The following TMEM231 variants were observed in gnomAD, a reference collection of about 807,000 sequenced individuals.
TMEM231 encodes transmembrane protein 231.
In TMEM231, 40 loss-of-function variants were observed where a neutral mutation model predicts 38.5. The ratio of observed to expected loss-of-function variants is 1.04; its 90% CI spans 0.81 to 1.35. The LOEUF (loss-of-function observed/expected upper bound fraction) is 1.35, where lower values mean the gene tolerates loss of function less well. Ranked by LOEUF, TMEM231 falls within the 40% of genes most tolerant of loss-of-function variation. TMEM231 has a pLI of 0.00. For synonymous variants in TMEM231, 199 were observed against 181.7 expected (o/e 1.10, Z -0.77); for missense variants, 420 against 416.9 (o/e 1.01, Z -0.07).
At chr16:75,553,310 G>T (rs1383985412) in intron 2 of TMEM231, among the ~76,000 whole-genome samples, 1 of 152,168 alleles carries the variant, frequency 6.6e-6, no homozygotes, top group African/African-American at 2.4e-5. Context: ...CTGAGTTCCA[G>T]TCCAGACTCT....
intron 4 of TMEM231, among the ~76,000 whole-genome samples, chr16:75,543,926 C>T (rs1489937307): frequency 6.6e-6 from 1 of 152,144 alleles, no homozygotes; most frequent in African/African-American, 2.4e-5. Context: ...CCGATAACAT[C>T]CCTTTTTCAT....
chr16:75,545,377 C>T lies in TMEM231; in HGVS notation c.557G>A (p.Cys186Tyr), dbSNP rs1280264089. The change falls in exon 4 of 7, where the codon TGT becomes TAT. Residue 186 changes from cysteine to tyrosine, a missense_variant. Coordinates refer to ENST00000258173, the MANE Select transcript of TMEM231 (RefSeq NM_001077418.3). The stretch of plus-strand genomic sequence containing the variant: ...GTTGTATCGGGCATCTAGGCCACCA[C>T]AGCTCAGCGGCTGCTTCTGCTGCAG... ...LRLQQKQPLS[C>Y]GGLDARYNIS... The T allele has an allele frequency of 6.2e-7, 1 of 1,612,792 alleles. No homozygotes were observed. The highest frequency in any genetic ancestry group is 8.5e-7 in the Non-Finnish European group (1 of 1,179,350).
intron 2 of TMEM231, among the ~76,000 whole-genome samples, chr16:75,553,144 A>G (rs1039236391): frequency 6.6e-6 from 1 of 152,236 alleles, no homozygotes; most frequent in African/African-American, 2.4e-5. Flanking sequence ...ACCTCCCAGC[A>G]CTTGGTCCAA....
chr16:75,549,341 C>T lies in TMEM231; in HGVS notation c.310-3387G>A, dbSNP rs371190575. On this transcript the variant is annotated intron_variant, in intron 2 of 6. Transcript: ENST00000258173. Reference sequence around the variant, plus strand: ...GTCGCTATCTAACCTCCAACTGGTACTTAGCCAAGAGAATTCACATATCAC... The same window carrying T: ...GTCGCTATCTAACCTCCAACTGGTATTTAGCCAAGAGAATTCACATATCAC... Among the ~76,000 whole-genome samples the T allele has an allele frequency of 4.6e-5, 7 of 152,362 alleles. No homozygotes were observed. In the East Asian group the frequency reaches 5.8e-4, roughly 13 times the overall value.
Position 75,538,292 on chromosome 16 carries a change from A to C in TMEM231, c.*1702T>G, listed in dbSNP as rs1343713554. ...AGTGTTGAGATTACAGGAATGAACC[A>C]CCATGCTCGGCCTCATTTTGAACAT... On this transcript the variant is annotated 3_prime_UTR_variant, in exon 7 of 7. Transcript: ENST00000258173. 2 of 152,192 alleles carry C rather than the reference A, an allele frequency of 1.3e-5. No homozygotes were observed. Among genetic ancestry groups the C allele is most frequent in the African/African-American group, 4.8e-5 (2 of 41,450 alleles). 9.4% of individuals were successfully genotyped at this position (152,192 alleles called of 1,614,324 possible).
intron 4 of TMEM231, among the ~76,000 whole-genome samples, chr16:75,543,061 G>T (rs750378501): frequency 1.3e-5 from 2 of 152,080 alleles, no homozygotes; most frequent in African/African-American, 2.4e-5. Context: ...TATCTCAGCG[G>T]GAGAAAGAAT....
At position 75,556,236 on chromosome 16, in the gene TMEM231, G is replaced by C; in HGVS notation, c.-27C>G. 2 of 1,395,170 alleles carry C rather than the reference G, an allele frequency of 1.4e-6. No homozygotes were observed. Among genetic ancestry groups the C allele is most frequent in the Non-Finnish European group, 1.9e-6 (2 of 1,079,050 alleles). The allele number at this position is 1,395,170 out of a possible 1,614,324, so 86.4% of individuals were successfully genotyped here. ...AGCACCGCTCGCAGGCACTCCGCGA[G>C]CCGGGGGACCAAGTTTGGCTTCTCC... On this transcript the variant is annotated 5_prime_UTR_variant, in exon 1 of 7. Transcript: ENST00000258173.
intron 4 of TMEM231, among the ~76,000 whole-genome samples, chr16:75,544,420 A>G (rs2080659550): frequency 6.6e-6 from 1 of 151,888 alleles, no homozygotes; most frequent in Non-Finnish European, 1.5e-5. Flanking sequence ...GCAAAAGCAA[A>G]AGCCCTGAGG....
In TMEM231 at chr16:75,545,488, G is replaced by A. The variant is rs750935858; in HGVS notation, c.446C>T (p.Ala149Val). The change falls in exon 4 of 7, where the codon GCG becomes GTG. Residue 149 changes from alanine to valine, a missense_variant. Ala to Val is a moderately conservative substitution (Grantham distance 64). Transcript: ENST00000258173. Reference protein sequence around the residue: ...LTFSYRLHRMATLVMQSMAFL... With the variant: ...LTFSYRLHRMVTLVMQSMAFL... ...CGCCATGCTCTGCATCACGAGGGTC[G>A]CCATCCTCTGAAATCATTAGAAGGA... 49 of 1,556,166 alleles carry A rather than the reference G, an allele frequency of 3.1e-5. No homozygotes were observed. Among genetic ancestry groups the A allele is most frequent in the South Asian group, 1.6e-4 (14 of 86,922 alleles).
At chr16:75,552,024 C>T (rs2080768329) in intron 2 of TMEM231, among the ~76,000 whole-genome samples, 1 of 151,826 alleles carries the variant, frequency 6.6e-6, no homozygotes, top group African/African-American at 2.4e-5. Context: ...TCAGGGATTC[C>T]TAAAACTTCT....
At chr16:75,546,542 A>G (rs1052129771) in intron 2 of TMEM231, among the ~76,000 whole-genome samples, 2 of 152,036 alleles carry the variant, frequency 1.3e-5, no homozygotes, top group Non-Finnish European at 2.9e-5. Context: ...TCCCAGGGTC[A>G]AGGAATTGTC....
intron 4 of TMEM231, among the ~76,000 whole-genome samples, chr16:75,544,150 TG>T (rs947198664): frequency 6.6e-6 from 1 of 152,252 alleles, no homozygotes; most frequent in African/African-American, 2.4e-5. Flanking sequence ...GCTTACCATC[TG>T]CCAGGCAGTG....
chr16:75,554,545 CAAAAA>C (rs1185694717), intron 2 of TMEM231, among the ~76,000 whole-genome samples: 1 of 94,116 alleles, frequency 1.1e-5, no homozygotes, highest in African/African-American at 3.9e-5. Context: ...GACTGTGTCT[CAAAAA>C]AAAAAAAAAA....
chr16:75,541,232 C>G, intron 6 of TMEM231, 118 bp downstream of exon 6: 1 of 476,010 alleles, frequency 2.1e-6, no homozygotes, highest in Non-Finnish European at 3.5e-6. Flanking sequence ...CTTGGCCAGG[C>G]TGGTTGTGAA....
intron 2 of TMEM231, among the ~76,000 whole-genome samples, chr16:75,547,010 T>C (rs1316307100): frequency 1.3e-5 from 2 of 152,134 alleles, no homozygotes; most frequent in African/African-American, 4.8e-5. Context: ...ATGTAGGCAG[T>C]GAAAAAAAAC....
At chr16:75,545,321 A>G in intron 4 of TMEM231, 31 bp downstream of exon 4, 1 of 1,595,928 alleles carries the variant, frequency 6.3e-7, no homozygotes, top group South Asian at 1.1e-5. Flanking sequence ...ACAGAGAAAC[A>G]AAGGAGCTGG....
chr16:75,551,713 G>A (rs555778533), intron 2 of TMEM231, among the ~76,000 whole-genome samples: 21 of 152,112 alleles, frequency 1.4e-4, no homozygotes, highest in Non-Finnish European at 2.8e-4. Flanking sequence ...TGTAATCCCA[G>A]CACTTTGGGA....
intron 5 of TMEM231, among the ~76,000 whole-genome samples, chr16:75,542,316 T>C (rs2080636468): frequency 6.6e-6 from 1 of 151,982 alleles, no homozygotes; most frequent in Admixed American, 6.6e-5. Flanking sequence ...TCAATTAGGC[T>C]TATATTTTTT....
intron 2 of TMEM231, among the ~76,000 whole-genome samples, chr16:75,548,145 T>C (rs534520751): frequency 6.6e-6 from 1 of 152,350 alleles, no homozygotes; most frequent in South Asian, 2.1e-4. Flanking sequence ...CAAGTAATGG[T>C]GAAGACAGGA....
Sources: gnomAD v4.1 joint callset for allele counts (sites outside exome capture counted in the v4.1 genomes callset) on GRCh38, gnomAD v4.1.1 for gene constraint, MANE v1.5 for transcripts, NCBI Gene and HGNC (gene_info 2026-07-23, HGNC 2026-07-21) for gene names.